The following PEX5 variants were observed in gnomAD, a reference collection of about 807,000 sequenced individuals.
PEX5 encodes PTS1 receptor.
Under a neutral mutation model 82.9 loss-of-function variants are expected in PEX5, and 52 were observed. The ratio of observed to expected loss-of-function variants is 0.63; its 90% CI spans 0.50 to 0.79. PEX5 has a LOEUF of 0.79. Ranked by LOEUF, PEX5 falls within the 30% of genes least tolerant of loss-of-function variation. The pLI is 0.00. For synonymous variants in PEX5, 300 were observed against 318.8 expected (o/e 0.94, Z 0.63); for missense variants, 719 against 815.2 (o/e 0.88, Z 1.44).
In PEX5 at chr12:7,210,886, G is replaced by GTGTC. The variant is rs760032747; in HGVS notation, c.*666_*669dup. ...AGCTGCCAGGGCCAATTGCTACAGA[G>GTGTC]TGTCTGGGTGTGTGGCATAGGAGGA... On this transcript the variant is annotated 3_prime_UTR_variant, in exon 16 of 16. Transcript: ENST00000675855. 5 of 167,206 alleles carry GTGTC rather than the reference G, an allele frequency of 3.0e-5. No homozygotes were observed. Among genetic ancestry groups the GTGTC allele is most frequent in the African/African-American group, 7.2e-5 (3 of 41,686 alleles). 10.4% of individuals were successfully genotyped at this position (167,206 alleles called of 1,614,324 possible).
At chr12:7,197,518 TA>T (rs1346521549) in intron 5 of PEX5, among the ~76,000 whole-genome samples, 2 of 63,162 alleles carry the variant, frequency 3.2e-5, no homozygotes, top group East Asian at 3.2e-4. Flanking sequence ...ATGTAATAAT[TA>T]TATGTTATAT....
intron 6 of PEX5, among the ~76,000 whole-genome samples, chr12:7,199,477 C>G (rs1225820491): frequency 1.3e-5 from 2 of 150,592 alleles, no homozygotes; most frequent in Non-Finnish European, 3.0e-5. Flanking sequence ...TCCATTTAAC[C>G]CTGAGTGAAC....
chr12:7,197,545 ATGT>A (rs1942980357), intron 5 of PEX5, among the ~76,000 whole-genome samples: 1 of 116,398 alleles, frequency 8.6e-6, no homozygotes. Context: ...GTAATTATAT[ATGT>A]TATATATAAT....
chr12:7,191,421 G>T, intron 4 of PEX5, 63 bp downstream of exon 4: 2 of 1,608,758 alleles, frequency 1.2e-6, no homozygotes. Flanking sequence ...AAGGAAGGGG[G>T]TTCCATTGGA....
chr12:7,208,714 G>A (rs755390116), intron 13 of PEX5, 45 bp downstream of exon 13: 13 of 1,504,296 alleles, frequency 8.6e-6, no homozygotes, highest in African/African-American at 2.7e-5. Flanking sequence ...AGTAACCTAA[G>A]TCCCAGTAGG....
chr12:7,193,235 T>A (rs1941478809), intron 5 of PEX5, among the ~76,000 whole-genome samples: 1 of 21,192 alleles, frequency 4.7e-5, no homozygotes, highest in Non-Finnish European at 1.8e-4. Context: ...CTTGAGATTC[T>A]TTTTTTTTTT....
intron 5 of PEX5, among the ~76,000 whole-genome samples, chr12:7,196,460 TATATA>T (rs1193671035): frequency 1.5e-5 from 2 of 136,728 alleles, no homozygotes; most frequent in East Asian, 2.1e-4. Flanking sequence ...TTATGTGTCA[TATATA>T]ATGTAATAAT....
chr12:7,199,209 CT>C (rs5796268), intron 6 of PEX5, 96 bp downstream of exon 6: 17,725 of 384,342 alleles, frequency 0.046, 4 homozygotes, highest in East Asian at 0.14. Flanking sequence ...TTACTTTATT[CT>C]TTTTTTTTTT....
At chr12:7,215,366 A>C (rs1441834613), downstream of PEX5, among the ~76,000 whole-genome samples, 1 of 152,190 alleles carries the variant, frequency 6.6e-6, no homozygotes, top group Non-Finnish European at 1.5e-5. Context: ...TAGAACTACC[A>C]TTTGACCAAG....
Position 7,210,002 on chromosome 12 carries a change from A to C in PEX5, c.1719-20A>C. ...ATTGTTGTTCAGCTTAACAGCTCTC[A>C]TTCCTCTTCTTCCTTACAGGGAGGC... On this transcript the variant is annotated intron_variant, in intron 15 of 15. Coordinates refer to ENST00000675855, the MANE Select transcript of PEX5 (RefSeq NM_001351132.2). 6.2e-7 allele frequency: 1 copy of C among 1,613,488 alleles called. No individual in the cohort carries two copies. Among genetic ancestry groups the C allele is most frequent in the Non-Finnish European group, 8.5e-7 (1 of 1,179,568 alleles).
intron 5 of PEX5, among the ~76,000 whole-genome samples, chr12:7,196,033 T>TTATATAA (rs58974083): frequency 0.73 from 105,826 of 144,068 alleles, 39,433 homozygotes; most frequent in South Asian, 0.84. Context: ...ACATTATATA[T>TTATATAA]TATATATATT....
rs1401385414 is a variant in PEX5, at chr12:7,211,064, G to A, written c.*841G>A. 6.5e-6 allele frequency: 1 copy of A among 152,850 alleles called. No individual in the cohort carries two copies. 9.5% of individuals were successfully genotyped at this position (152,850 alleles called of 1,614,324 possible). On this transcript the variant is annotated 3_prime_UTR_variant, in exon 16 of 16. Coordinates refer to ENST00000675855, the MANE Select transcript of PEX5 (RefSeq NM_001351132.2). Reference sequence around the variant, plus strand: ...ATCCCTCATCCTCTTAGAAGCACCTGTGAATGGGAATTGAGCCAACTGTTA... The same window carrying A: ...ATCCCTCATCCTCTTAGAAGCACCTATGAATGGGAATTGAGCCAACTGTTA...
chr12:7,211,644 C>A (rs1945579578), downstream of PEX5, among the ~76,000 whole-genome samples: 1 of 145,842 alleles, frequency 6.9e-6, no homozygotes, highest in African/African-American at 2.8e-5. Context: ...GTTCTCTGGG[C>A]CTCTGGGCTA....
rs759822666 is a variant in PEX5, at chr12:7,201,844, GA to G, written c.642+4del. 3 of 1,603,472 alleles carry G rather than the reference GA, an allele frequency of 1.9e-6. No homozygotes were observed. Among genetic ancestry groups the G allele is most frequent in the Non-Finnish European group, 2.6e-6 (3 of 1,170,408 alleles). On this transcript the variant is annotated splice_donor_region_variant and intron_variant, in intron 7 of 15. Coordinates refer to ENST00000675855, the MANE Select transcript of PEX5 (RefSeq NM_001351132.2). Reference sequence around the variant, plus strand: ...ACCCCAAATTGGCTAATTCTGAGGTGAGCCACATCCCTCTGCTGCTTTGCCC... The same window carrying G: ...ACCCCAAATTGGCTAATTCTGAGGTGGCCACATCCCTCTGCTGCTTTGCCC...
rs370010815 is a variant in PEX5, at chr12:7,203,433, C to G, written c.848C>G (p.Ser283Cys). The G allele has an allele frequency of 6.2e-7, 1 of 1,613,158 alleles. No individual in the cohort carries two copies. The highest frequency in any genetic ancestry group is 8.5e-7 in the Non-Finnish European group (1 of 1,179,692). ...CTATCTGCTTTCCCTTCCTTACAGTCTGATGTCGATTTCTGGGACAAGTTG... is the reference window on the plus strand; with the variant it reads ...CTATCTGCTTTCCCTTCCTTACAGTGTGATGTCGATTTCTGGGACAAGTTG... ...EFERAKSAIESDVDFWDKLQA... is the reference protein window; with the variant it reads ...EFERAKSAIECDVDFWDKLQA... Residue 283 changes from serine to cysteine, a missense_variant and splice_region_variant, in exon 10 of 16, where the codon TCT (serine) becomes TGT (cysteine). By Grantham distance (112) the Ser-to-Cys change is moderately radical. Transcript: ENST00000675855.
rs777454186 is a variant in PEX5, at chr12:7,210,237, T to C, written c.*14T>C. The C allele has an allele frequency of 2.5e-6, 4 of 1,611,848 alleles. No homozygotes were observed. The highest frequency in any genetic ancestry group is 3.3e-5 in the Admixed American group (2 of 60,016). ...CTGCCCCAGTGACAGTGGGACGGGC[T>C]GCCCTGTGAGTGTCCACCTGGAGGG... On this transcript the variant is annotated 3_prime_UTR_variant, in exon 16 of 16. Coordinates refer to ENST00000675855, the MANE Select transcript of PEX5 (RefSeq NM_001351132.2).
chr12:7,200,386 G>A (rs907083327), intron 6 of PEX5, among the ~76,000 whole-genome samples: 1 of 151,540 alleles, frequency 6.6e-6, no homozygotes, highest in Non-Finnish European at 1.5e-5. Flanking sequence ...GCCGGGCAGA[G>A]ACGCTCCTCA....
rs759013152 is a variant in PEX5 at position 7,208,443 on chromosome 12, C to G, written c.1182-14C>G. 6.3e-7 allele frequency: 1 copy of G among 1,598,080 alleles called. No homozygotes were observed. The highest frequency in any genetic ancestry group is 1.7e-5 in the Admixed American group (1 of 59,902). On this transcript the variant is annotated splice_polypyrimidine_tract_variant and intron_variant, in intron 12 of 15. Coordinates refer to ENST00000675855, the MANE Select transcript of PEX5 (RefSeq NM_001351132.2). ...CATTGCAGATATCAAGTCTGCCCAT[C>G]CCTGATCAAACAGGTGTCTGGAGCT...
chr12:7,199,549 G>A (rs1291569062), intron 6 of PEX5, among the ~76,000 whole-genome samples: 1 of 151,540 alleles, frequency 6.6e-6, no homozygotes, highest in Non-Finnish European at 1.5e-5. Flanking sequence ...AGGATCCCAA[G>A]GCAGAAGAAT....
Sources: gnomAD v4.1 joint callset for allele counts (sites outside exome capture counted in the v4.1 genomes callset) on GRCh38, gnomAD v4.1.1 for gene constraint, MANE v1.5 for transcripts, NCBI Gene and HGNC (gene_info 2026-07-23, HGNC 2026-07-21) for gene names.